The following FTCDNL1 variants were observed in gnomAD, a reference collection of about 807,000 sequenced individuals.
FTCDNL1 encodes formiminotransferase N-terminal subdomain-containing protein.
In FTCDNL1, 11 loss-of-function variants were observed where a neutral mutation model predicts 5.9. That is an observed-to-expected ratio of 1.87 (90% confidence interval 1.18 to 3.10). FTCDNL1 has a LOEUF of 3.10. Among genes scored for constraint, FTCDNL1 ranks in the 30% most tolerant of loss-of-function variants. The pLI, the probability that FTCDNL1 is intolerant of heterozygous loss-of-function variation, is 0.00. For synonymous variants in FTCDNL1, 58 were observed against 24.8 expected (o/e 2.34, Z -3.99); for missense variants, 115 against 65.5 (o/e 1.76, Z -2.61).
chr2:199,807,991 ACCATC>A (rs1193824840), downstream of FTCDNL1, among the ~76,000 whole-genome samples: 4 of 152,120 alleles, frequency 2.6e-5, no homozygotes, highest in African/African-American at 7.2e-5. Flanking sequence ...ATGGTTTAGT[ACCATC>A]CTCTTGGTAC....
At chr2:199,800,992 G>T (rs1230086539) in intron 3 of FTCDNL1, among the ~76,000 whole-genome samples, 2 of 152,206 alleles carry the variant, frequency 1.3e-5, no homozygotes, top group African/African-American at 2.4e-5. Flanking sequence ...ACCTTGTGCT[G>T]CCAATAACTA....
At chr2:199,698,839 C>A in the FTCDNL1 span, among the ~76,000 whole-genome samples, 4 of 151,954 alleles carry the variant, frequency 2.6e-5, no homozygotes, top group Admixed American at 1.3e-4. Context: ...AAAATTGGTT[C>A]TTTGAAAGAA....
the FTCDNL1 span, among the ~76,000 whole-genome samples, chr2:199,730,721 A>G: frequency 3.3e-5 from 5 of 152,246 alleles, no homozygotes; most frequent in African/African-American, 1.2e-4. Flanking sequence ...GTGAAGAAAT[A>G]GGAACACTTT....
intron 3 of FTCDNL1, among the ~76,000 whole-genome samples, chr2:199,825,001 G>T (rs1053537372): frequency 6.6e-6 from 1 of 151,942 alleles, no homozygotes; most frequent in African/African-American, 2.4e-5. Context: ...AGCCTGGCAT[G>T]GTGGCATACA....
At chr2:199,741,323 T>C in the FTCDNL1 span, among the ~76,000 whole-genome samples, 10 of 152,056 alleles carry the variant, frequency 6.6e-5, no homozygotes, top group African/African-American at 2.4e-4. Flanking sequence ...AGTCTCCATA[T>C]CAACCTATGA....
At chr2:199,807,144 C>A (rs967030750), downstream of FTCDNL1, among the ~76,000 whole-genome samples, 3 of 152,150 alleles carry the variant, frequency 2.0e-5, no homozygotes, top group African/African-American at 7.2e-5. Context: ...GATCGTCCTT[C>A]TTAGTTATTA....
chr2:199,835,707 C>G (rs1370245112), intron 3 of FTCDNL1, among the ~76,000 whole-genome samples: 2 of 152,190 alleles, frequency 1.3e-5, no homozygotes, highest in African/African-American at 4.8e-5. Flanking sequence ...AACATCTCCA[C>G]AGTTATGGGG....
At chr2:199,824,526 C>A (rs1701899798) in intron 3 of FTCDNL1, among the ~76,000 whole-genome samples, 1 of 152,198 alleles carries the variant, frequency 6.6e-6, no homozygotes, top group East Asian at 1.9e-4. Context: ...GCACAAGAGG[C>A]CTAGCTATTG....
intron 4 of FTCDNL1, among the ~76,000 whole-genome samples, chr2:199,813,698 G>A (rs991472535): frequency 6.6e-6 from 1 of 152,010 alleles, no homozygotes; most frequent in East Asian, 1.9e-4. Context: ...GGATCACAAG[G>A]TAAGGAGTTC....
chr2:199,752,748 G>A, the FTCDNL1 span, among the ~76,000 whole-genome samples: 1,971 of 61,664 alleles, frequency 0.032, 27 homozygotes, highest in Non-Finnish European at 0.059. Context: ...CTCTGTGTGT[G>A]TGTGTGTGTG....
At chr2:199,775,077 C>T (rs889939083) in intron 3 of FTCDNL1, among the ~76,000 whole-genome samples, 2 of 152,202 alleles carry the variant, frequency 1.3e-5, no homozygotes, top group Non-Finnish European at 2.9e-5. Flanking sequence ...CATGTTTCAC[C>T]TGACACCAGC....
At chr2:199,729,870 C>T in the FTCDNL1 span, among the ~76,000 whole-genome samples, 1 of 152,140 alleles carries the variant, frequency 6.6e-6, no homozygotes, top group Admixed American at 6.6e-5. Flanking sequence ...TTATACGGAA[C>T]CAAAAGAGAG....
chr2:199,771,185 C>T (rs1219235498), intron 3 of FTCDNL1, among the ~76,000 whole-genome samples: 4 of 152,196 alleles, frequency 2.6e-5, no homozygotes, highest in Admixed American at 6.5e-5. Context: ...CAACTGATGA[C>T]ACCATTCCAT....
the FTCDNL1 span, among the ~76,000 whole-genome samples, chr2:199,674,395 G>A: frequency 6.6e-6 from 1 of 152,136 alleles, no homozygotes; most frequent in Non-Finnish European, 1.5e-5. Flanking sequence ...AGCACAAGGT[G>A]GGTACTGGTG....
At chr2:199,736,261 A>G in the FTCDNL1 span, among the ~76,000 whole-genome samples, 1 of 152,252 alleles carries the variant, frequency 6.6e-6, no homozygotes, top group Non-Finnish European at 1.5e-5. Flanking sequence ...CAAAGAGGCT[A>G]TCAACCTGAC....
chr2:199,834,452 G>A (rs925558614), intron 3 of FTCDNL1, among the ~76,000 whole-genome samples: 1 of 152,096 alleles, frequency 6.6e-6, no homozygotes, highest in African/African-American at 2.4e-5. Flanking sequence ...GATGTGCACA[G>A]GCCCACCCTG....
chr2:199,812,793 A>C, intron 4 of FTCDNL1, 69 bp from the exon 5 acceptor site: 1 of 668,340 alleles, frequency 1.5e-6, no homozygotes, highest in Non-Finnish European at 2.7e-6. Flanking sequence ...AAAATTTATC[A>C]TTCTAAATAT....
At chr2:199,681,476 G>C in the FTCDNL1 span, among the ~76,000 whole-genome samples, 1 of 152,148 alleles carries the variant, frequency 6.6e-6, no homozygotes, top group Non-Finnish European at 1.5e-5. Context: ...GAAAAGCCAG[G>C]CTTTCTGTCT....
At chr2:199,674,867 C>T in the FTCDNL1 span, among the ~76,000 whole-genome samples, 2 of 152,052 alleles carry the variant, frequency 1.3e-5, no homozygotes, top group African/African-American at 4.8e-5. Context: ...AAATTTTAGA[C>T]AAAATTCAGA....
Sources: allele counts gnomAD v4.1 joint callset (sites outside exome capture counted in the v4.1 genomes callset), GRCh38; gene constraint gnomAD v4.1.1; transcripts MANE v1.5; gene names NCBI Gene and HGNC (gene_info 2026-07-23, HGNC 2026-07-21).